Variants in MIB1 observed in about 807,000 individuals in gnomAD.
MIB1 encodes E3 ubiquitin-protein ligase MIB1.
MIB1 carries 278 observed loss-of-function variants against 124.5 expected under a neutral mutation model. The ratio of observed to expected loss-of-function variants is 2.23; its 90% CI spans 2.02 to 2.47. The LOEUF is 2.47. Ranked by LOEUF, MIB1 falls within the 30% of genes most tolerant of loss-of-function variation. The probability of loss-of-function intolerance (pLI) is 0.00; values close to 1 mark genes in which losing one functional copy is unlikely to be tolerated. For synonymous variants in MIB1, 446 were observed against 429.4 expected (o/e 1.04, Z -0.48); for missense variants, 957 against 1,254.4 (o/e 0.76, Z 3.58).
intron 12 of MIB1, among the ~76,000 whole-genome samples, chr18:21,833,033 A>G (rs1820734874): frequency 6.6e-6 from 1 of 152,186 alleles, no homozygotes; most frequent in Admixed American, 6.5e-5. Flanking sequence ...TTCTTCTCAC[A>G]TTTTACAGAT....
At chr18:21,717,131 A>G (rs1194687025) in intron 1 of MIB1, among the ~76,000 whole-genome samples, 2 of 152,204 alleles carry the variant, frequency 1.3e-5, no homozygotes, top group African/African-American at 4.8e-5. Context: ...TCTTTGACAA[A>G]GCAAACAAAA....
At chr18:21,793,981 T>G (rs1325669980) in intron 7 of MIB1, 1 of 134,532 alleles carries the variant, frequency 7.4e-6, no homozygotes, top group African/African-American at 3.4e-5. Context: ...TGTGGATGTC[T>G]GCACTAAGTT....
At chr18:21,760,853 G>A (rs1222180614) in intron 1 of MIB1, among the ~76,000 whole-genome samples, 1 of 152,182 alleles carries the variant, frequency 6.6e-6, no homozygotes, top group East Asian at 1.9e-4. Context: ...GTTAATTCAG[G>A]ATAAACTTCT....
Position 21,864,616 on chromosome 18 carries a change from G to A in MIB1, c.2971G>A (p.Glu991Lys). ...TCQLCGDRMS[E>K]CPICRKAIER... is the part of the protein sequence containing the mutation. ...TCAACTCTGTGGAGACCGCATGAGTGAATGTCCTATCTGTCGCAAGGCTAT... is the reference window on the plus strand; with the variant it reads ...TCAACTCTGTGGAGACCGCATGAGTAAATGTCCTATCTGTCGCAAGGCTAT... Residue 991 changes from glutamate (E) to lysine (K), a missense_variant, in exon 21 of 21, where the codon GAA (glutamate) becomes AAA (lysine). Transcript: ENST00000261537. The A allele has an allele frequency of 6.2e-7, 1 of 1,613,800 alleles. No individual in the cohort carries two copies. The highest frequency in any genetic ancestry group is 1.7e-5 in the Admixed American group (1 of 60,024).
chr18:21,855,941 C>T (rs1224028049), intron 18 of MIB1, among the ~76,000 whole-genome samples: 1 of 152,228 alleles, frequency 6.6e-6, no homozygotes, highest in Non-Finnish European at 1.5e-5. Context: ...TATTAACAAT[C>T]ATAACAGGGC....
At chr18:21,782,112 C>T (rs1226892227) in intron 6 of MIB1, among the ~76,000 whole-genome samples, 1 of 151,976 alleles carries the variant, frequency 6.6e-6, no homozygotes, top group East Asian at 1.9e-4. Flanking sequence ...AATCTTCCTA[C>T]TTTTTAAATT....
intron 1 of MIB1, among the ~76,000 whole-genome samples, chr18:21,735,355 C>T (rs893824767): frequency 6.6e-6 from 1 of 152,202 alleles, no homozygotes; most frequent in Non-Finnish European, 1.5e-5. Flanking sequence ...GTGCTTTTCC[C>T]ACAGTCTTCA....
At chr18:21,791,860 T>A (rs2041508222) in intron 7 of MIB1, among the ~76,000 whole-genome samples, 2 of 152,206 alleles carry the variant, frequency 1.3e-5, no homozygotes. Context: ...TATAGGTCTA[T>A]GCCCATCTGG....
chr18:21,832,849 A>G (rs748731752), intron 12 of MIB1, among the ~76,000 whole-genome samples: 2 of 152,200 alleles, frequency 1.3e-5, no homozygotes, highest in Non-Finnish European at 2.9e-5. Context: ...AAAGTAGGTT[A>G]ATTTTCAGTT....
chr18:21,725,349 A>G (rs59461633), intron 1 of MIB1, among the ~76,000 whole-genome samples: 10,691 of 152,162 alleles, frequency 0.07, 809 homozygotes, highest in African/African-American at 0.19. Context: ...TGTATATGTG[A>G]GACCGCCTGT....
In MIB1 at chr18:21,741,120, C is replaced by T. The variant is rs1215068874; in HGVS notation, c.-464C>T. Among the ~76,000 whole-genome samples, 1 of 152,060 alleles carries T rather than the reference C, an allele frequency of 6.6e-6. No individual in the cohort carries two copies. Among genetic ancestry groups the T allele is most frequent in the Admixed American group, 6.5e-5 (1 of 15,270 alleles). On this transcript the variant is annotated 5_prime_UTR_variant, in exon 1 of 21. Transcript: ENST00000261537. The surrounding 1 kb of genome is among the most constrained non-coding windows in gnomAD (Gnocchi z 5.4). ...GCGCCGGCGCTTGGGTGCCCGCCCC[C>T]GAGCGAGGGGCCGGGGTGGCAGAAA... is the stretch of plus-strand genomic sequence containing the variant.
chr18:21,805,350 C>T (rs559445821), intron 10 of MIB1, among the ~76,000 whole-genome samples: 15 of 152,166 alleles, frequency 9.9e-5, no homozygotes, highest in African/African-American at 3.6e-4. Flanking sequence ...TATCTATGAA[C>T]TATACAATAG....
chr18:21,782,766 A>T (rs903472802), intron 6 of MIB1, among the ~76,000 whole-genome samples: 2 of 152,106 alleles, frequency 1.3e-5, no homozygotes, highest in Non-Finnish European at 2.9e-5. Context: ...AGTATTCTGT[A>T]AGTGTCAATT....
chr18:21,761,265 CAA>C (rs1198242828), intron 1 of MIB1, among the ~76,000 whole-genome samples: 1 of 144,220 alleles, frequency 6.9e-6, no homozygotes, highest in Non-Finnish European at 1.5e-5. Context: ...AACCCATAAA[CAA>C]AAAGATTTTG....
chr18:21,721,052 T>C (rs1486863138), intron 1 of MIB1, among the ~76,000 whole-genome samples: 4 of 151,874 alleles, frequency 2.6e-5, no homozygotes, highest in African/African-American at 9.7e-5. Context: ...TACATGGACA[T>C]TCATTGTACT....
intron 17 of MIB1, among the ~76,000 whole-genome samples, chr18:21,851,936 T>C (rs946514337): frequency 6.6e-6 from 1 of 152,154 alleles, no homozygotes; most frequent in African/African-American, 2.4e-5. Context: ...TTTTAAACTC[T>C]TCAGAAACAA....
At chr18:21,744,394 C>T (rs1426045269) in intron 1 of MIB1, among the ~76,000 whole-genome samples, 1 of 152,170 alleles carries the variant, frequency 6.6e-6, no homozygotes. Context: ...TACCCACCTT[C>T]TTCAGCTGTT....
At chr18:21,787,474 G>A (rs1598610851) in intron 6 of MIB1, among the ~76,000 whole-genome samples, 2 of 152,176 alleles carry the variant, frequency 1.3e-5, no homozygotes, top group East Asian at 1.9e-4. Context: ...TACTCATAAG[G>A]CTTCCTGTGG....
chr18:21,781,415 A>ATATATATAT (rs1568199129), intron 6 of MIB1, among the ~76,000 whole-genome samples: 6 of 99,474 alleles, frequency 6.0e-5, no homozygotes, highest in Non-Finnish European at 1.0e-4. Context: ...ATATATATAT[A>ATATATATAT]AAATTATTAT....
Sources: allele counts gnomAD v4.1 joint callset (sites outside exome capture counted in the v4.1 genomes callset), GRCh38; gene constraint gnomAD v4.1.1; non-coding constraint Gnocchi (gnomAD v3.1); transcripts MANE v1.5; gene names NCBI Gene and HGNC (gene_info 2026-07-23, HGNC 2026-07-21).